The following MAGI2 variants were observed in gnomAD, a reference collection of about 807,000 sequenced individuals.
MAGI2 encodes the protein membrane-associated guanylate kinase, WW and PDZ domain-containing protein 2.
In MAGI2, 35 loss-of-function variants were observed where a neutral mutation model predicts 133.3. The observed-to-expected ratio is 0.26, with a 90% confidence interval of 0.20 to 0.35. The LOEUF (loss-of-function observed/expected upper bound fraction) is 0.35. MAGI2 is among the 10% of genes least tolerant of loss of function. The probability of loss-of-function intolerance (pLI) is 1.00; values close to 1 mark genes in which losing one functional copy is unlikely to be tolerated. For missense variants in MAGI2, 1,636 were observed against 1,863.4 expected (o/e 0.88, Z 2.25); for synonymous variants, 729 against 710.6 (o/e 1.03, Z -0.41).
At chr7:78,856,937 G>T (rs1479975185) in intron 2 of MAGI2, among the ~76,000 whole-genome samples, 1 of 152,100 alleles carries the variant, frequency 6.6e-6, no homozygotes, top group African/African-American at 2.4e-5. Flanking sequence ...TTGAGCAGTG[G>T]TTTGTAGTTC....
At chr7:79,382,172 T>C (rs1055428559) in intron 1 of MAGI2, among the ~76,000 whole-genome samples, 5 of 151,678 alleles carry the variant, frequency 3.3e-5, no homozygotes, top group Non-Finnish European at 4.4e-5. Context: ...AAGTTATTTA[T>C]CTAGACAGGG....
chr7:79,061,337 A>G (rs1813708937), intron 1 of MAGI2, among the ~76,000 whole-genome samples: 1 of 151,674 alleles, frequency 6.6e-6, no homozygotes, highest in South Asian at 2.1e-4. Context: ...CTTTCATTAT[A>G]TGACACTCGT....
At chr7:78,176,505 G>A (rs1261361132) in intron 14 of MAGI2, among the ~76,000 whole-genome samples, 10 of 152,070 alleles carry the variant, frequency 6.6e-5, no homozygotes, top group African/African-American at 1.2e-4. Context: ...CAGAGGAAGC[G>A]CCTCGGGGTT....
chr7:78,101,567 A>T (rs1021577019), intron 20 of MAGI2, among the ~76,000 whole-genome samples: 1 of 152,236 alleles, frequency 6.6e-6, no homozygotes, highest in Non-Finnish European at 1.5e-5. Flanking sequence ...TGGATTAAAG[A>T]CTTAATTATA....
intron 1 of MAGI2, among the ~76,000 whole-genome samples, chr7:79,074,669 T>C (rs192782625): frequency 6.6e-6 from 1 of 152,342 alleles, no homozygotes; most frequent in East Asian, 1.9e-4. Flanking sequence ...TTGAATTAAG[T>C]ATGTGAAAAT....
chr7:79,036,671 C>T (rs1239513015), intron 1 of MAGI2, among the ~76,000 whole-genome samples: 1 of 141,714 alleles, frequency 7.1e-6, no homozygotes. Flanking sequence ...ATTTTTTTTT[C>T]CCCCGAGTAT....
At chr7:78,261,657 G>T (rs184975746) in intron 9 of MAGI2, among the ~76,000 whole-genome samples, 1 of 151,956 alleles carries the variant, frequency 6.6e-6, no homozygotes, top group East Asian at 1.9e-4. Flanking sequence ...TTTTTGCCAG[G>T]TTATCCAGAT....
At chr7:79,049,288 C>A (rs912234872) in intron 1 of MAGI2, among the ~76,000 whole-genome samples, 1 of 151,652 alleles carries the variant, frequency 6.6e-6, no homozygotes, top group Non-Finnish European at 1.5e-5. Context: ...TTTTTTTCCC[C>A]CTGCCATCAA....
At chr7:79,438,838 C>T (rs1848315675) in intron 1 of MAGI2, among the ~76,000 whole-genome samples, 1 of 152,184 alleles carries the variant, frequency 6.6e-6, no homozygotes, top group Admixed American at 6.6e-5. Flanking sequence ...TCCCCCAATC[C>T]CTCCCATGAA....
In MAGI2 at chr7:78,987,973, G is replaced by A. The variant is rs1360806122; in HGVS notation, c.418+19117C>T. Among the ~76,000 whole-genome samples, 12 of 152,108 alleles carry A rather than the reference G, an allele frequency of 7.9e-5. No individual in the cohort carries two copies. In the East Asian group the frequency reaches 1.2e-3, roughly 15 times the overall value. The stretch of plus-strand genomic sequence containing the variant: ...TTTTATATGAAGGACGCTTTGGTTC[G>A]TATTAGTTAAAATAATGCTGTTCTA... On this transcript the variant is annotated intron_variant, in intron 2 of 21. Coordinates refer to ENST00000354212, the MANE Select transcript of MAGI2 (RefSeq NM_012301.4).
At chr7:78,859,841 G>A (rs1441435537) in intron 2 of MAGI2, among the ~76,000 whole-genome samples, 1 of 152,132 alleles carries the variant, frequency 6.6e-6, no homozygotes, top group Non-Finnish European at 1.5e-5. Context: ...TGTTTTCCAA[G>A]TTGGTTCCAT....
rs1010396015 is a variant in MAGI2, at chr7:79,168,008, C to T, written c.302-160802G>A. On this transcript the variant is annotated intron_variant, in intron 1 of 21. Coordinates refer to ENST00000354212, the MANE Select transcript of MAGI2 (RefSeq NM_012301.4). Reference sequence around the variant, plus strand: ...TCTGTGCCTTAAGGGCATGTTCCTGCTGCAGATAACTAGGGAGACCCATAC... The same window carrying T: ...TCTGTGCCTTAAGGGCATGTTCCTGTTGCAGATAACTAGGGAGACCCATAC... Among the ~76,000 whole-genome samples, 8 of 152,122 alleles carry T rather than the reference C, an allele frequency of 5.3e-5. No individual in the cohort carries two copies. The South Asian group carries it at 6.2e-4, about 12-fold the overall frequency.
chr7:78,513,534 A>G (rs1795782110), intron 4 of MAGI2, among the ~76,000 whole-genome samples: 1 of 152,198 alleles, frequency 6.6e-6, no homozygotes, highest in South Asian at 2.1e-4. Flanking sequence ...AATCAGACCT[A>G]CAGAGAATAT....
At chr7:78,221,253 T>A (rs1232012847) in intron 10 of MAGI2, among the ~76,000 whole-genome samples, 1 of 152,208 alleles carries the variant, frequency 6.6e-6, no homozygotes, top group Admixed American at 6.5e-5. Context: ...GGCTTTCTCA[T>A]CAGGATGACT....
At chr7:79,399,263 T>G (rs1016986931) in intron 1 of MAGI2, among the ~76,000 whole-genome samples, 3 of 151,810 alleles carry the variant, frequency 2.0e-5, no homozygotes, top group Admixed American at 6.6e-5. Context: ...CCTGGCTAAT[T>G]TTTTATTTTC....
intron 2 of MAGI2, among the ~76,000 whole-genome samples, chr7:78,949,298 C>T (rs1448529260): frequency 6.6e-6 from 1 of 152,146 alleles, no homozygotes; most frequent in African/African-American, 2.4e-5. Flanking sequence ...TTATTGCTTG[C>T]TGTTTTATTT....
chr7:78,594,557 A>C (rs777239140), intron 3 of MAGI2, among the ~76,000 whole-genome samples: 1 of 152,128 alleles, frequency 6.6e-6, no homozygotes, highest in Non-Finnish European at 1.5e-5. Flanking sequence ...TCCCGGGTTC[A>C]AGTGATTCTC....
chr7:79,345,991 G>A (rs995345921), intron 1 of MAGI2, among the ~76,000 whole-genome samples: 2 of 151,936 alleles, frequency 1.3e-5, no homozygotes, highest in Admixed American at 6.6e-5. Flanking sequence ...AATGCTCATA[G>A]GTAAACCATT....
intron 1 of MAGI2, among the ~76,000 whole-genome samples, chr7:79,074,270 C>A (rs1412820330): frequency 1.3e-5 from 2 of 152,118 alleles, no homozygotes; most frequent in South Asian, 2.1e-4. Flanking sequence ...ACTTTAAACA[C>A]CATCTTTAAA....
Sources: allele counts gnomAD v4.1 joint callset (sites outside exome capture counted in the v4.1 genomes callset), GRCh38; gene constraint gnomAD v4.1.1; transcripts MANE v1.5; gene names NCBI Gene and HGNC (gene_info 2026-07-23, HGNC 2026-07-21).